The following THSD4 variants were observed in gnomAD, a reference collection of about 807,000 sequenced individuals.
The protein encoded by THSD4 is thrombospondin type-1 domain-containing protein 4.
A neutral mutation model predicts 119.0 loss-of-function variants in THSD4; 69 were observed. That is an observed-to-expected ratio of 0.58 (90% CI 0.48 to 0.71). The LOEUF is 0.71. THSD4 is among the 30% of genes least tolerant of loss of function. THSD4 has a pLI of 0.00. For synonymous variants in THSD4, 524 were observed against 540.4 expected (o/e 0.97, Z 0.42); for missense variants, 1,393 against 1,391.1 (o/e 1.00, Z -0.02).
chr15:71,760,409 A>C (rs1175832714), intron 15 of THSD4, among the ~76,000 whole-genome samples: 1 of 152,204 alleles, frequency 6.6e-6, no homozygotes, highest in Non-Finnish European at 1.5e-5. Flanking sequence ...AGAAAGGAAT[A>C]TATTCCATTT....
chr15:71,401,806 T>C (rs1489499050), intron 6 of THSD4, among the ~76,000 whole-genome samples: 2 of 152,224 alleles, frequency 1.3e-5, no homozygotes, highest in East Asian at 3.8e-4. Flanking sequence ...TGCACACATA[T>C]GCTTATTGCA....
intron 7 of THSD4, among the ~76,000 whole-genome samples, chr15:71,571,991 C>T (rs142871025): frequency 2.0e-5 from 3 of 152,298 alleles, no homozygotes; most frequent in African/African-American, 7.2e-5. Context: ...TCTGCCAATC[C>T]TAACCTCTCT....
chr15:71,378,715 T>C (rs1388754990), intron 6 of THSD4, among the ~76,000 whole-genome samples: 1 of 152,230 alleles, frequency 6.6e-6, no homozygotes, highest in Non-Finnish European at 1.5e-5. Context: ...ATTTTATGGT[T>C]GAGAGTCACT....
chr15:71,412,775 A>C (rs2046707142), intron 7 of THSD4, among the ~76,000 whole-genome samples: 1 of 152,180 alleles, frequency 6.6e-6, no homozygotes, highest in African/African-American at 2.4e-5. Flanking sequence ...GGTTTCAGAT[A>C]GGATGCAAAA....
At chr15:71,221,105 G>A (rs896395779) in intron 4 of THSD4, among the ~76,000 whole-genome samples, 3 of 152,080 alleles carry the variant, frequency 2.0e-5, no homozygotes, top group Non-Finnish European at 4.4e-5. Flanking sequence ...AAAGCATGCC[G>A]CATTGTAGCA....
chr15:71,383,283 T>C (rs1250160819), intron 6 of THSD4, among the ~76,000 whole-genome samples: 1 of 152,212 alleles, frequency 6.6e-6, no homozygotes, highest in Non-Finnish European at 1.5e-5. Flanking sequence ...GTTTGACTTA[T>C]CCCCTTTTAT....
chr15:71,215,469 C>T, intron 4 of THSD4, 70 bp downstream of exon 4: 2 of 1,396,766 alleles, frequency 1.4e-6, no homozygotes, highest in Non-Finnish European at 1.9e-6. Context: ...CCTGCCCCTG[C>T]CTCGCACGCT....
chr15:71,546,795 C>G lies in THSD4; in HGVS notation c.1153-113735C>G, dbSNP rs552957031. On this transcript the variant is annotated intron_variant, in intron 7 of 17. Transcript: ENST00000261862. Reference sequence around the variant, plus strand: ...CCTTGATAATGCAGCTTTTAACTGCCTAGATTTCTGCAACCATCAAATCAG... The same window carrying G: ...CCTTGATAATGCAGCTTTTAACTGCGTAGATTTCTGCAACCATCAAATCAG... Among the ~76,000 whole-genome samples, 3 of 152,290 alleles carry G rather than the reference C, an allele frequency of 2.0e-5. No individual in the cohort carries two copies. The South Asian group carries it at 6.2e-4, about 32-fold the overall frequency.
In THSD4 at chr15:71,778,492, A is replaced by T. The variant is rs1157080550; in HGVS notation, c.*1118A>T. ...TTCCCGACCACAGAGCCAACTTGTGAAGCACACAGCTCTGCAGCCTGGGCT... is the reference window on the plus strand; with the variant it reads ...TTCCCGACCACAGAGCCAACTTGTGTAGCACACAGCTCTGCAGCCTGGGCT... On this transcript the variant is annotated 3_prime_UTR_variant, in exon 18 of 18. Coordinates refer to ENST00000261862, the MANE Select transcript of THSD4 (RefSeq NM_024817.3). 1 of 152,512 alleles carries T rather than the reference A, an allele frequency of 6.6e-6. No homozygotes were observed. Among genetic ancestry groups the T allele is most frequent in the African/African-American group, 2.4e-5 (1 of 41,450 alleles). 9.4% of individuals were successfully genotyped at this position (152,512 alleles called of 1,614,324 possible). A position where few individuals can be genotyped will look rare whatever the true frequency, so the allele number is the denominator to read the frequency against.
At chr15:71,326,071 C>A (rs2045333020) in intron 6 of THSD4, among the ~76,000 whole-genome samples, 1 of 152,114 alleles carries the variant, frequency 6.6e-6, no homozygotes, top group African/African-American at 2.4e-5. Flanking sequence ...TGCAAAGCTG[C>A]CAGGAGCAGA....
intron 5 of THSD4, among the ~76,000 whole-genome samples, chr15:71,246,735 C>T (rs917330942): frequency 2.6e-5 from 4 of 152,032 alleles, no homozygotes; most frequent in Admixed American, 6.6e-5. Flanking sequence ...TATTTTGTTG[C>T]CTACAATGTG....
intron 17 of THSD4, among the ~76,000 whole-genome samples, chr15:71,771,690 G>A (rs1307255655): frequency 6.6e-6 from 1 of 152,166 alleles, no homozygotes; most frequent in Non-Finnish European, 1.5e-5. Context: ...GAGATGCAGT[G>A]ACTAGACTCA....
Position 71,728,535 on chromosome 15 carries a change from A to T in THSD4, c.1358-14A>T, listed in dbSNP as rs764946937. The T allele has an allele frequency of 2.3e-5, 37 of 1,612,454 alleles. No homozygotes were observed. The highest frequency in any genetic ancestry group is 2.9e-5 in the Non-Finnish European group (34 of 1,178,976). Reference sequence around the variant, plus strand: ...CTGGGCTTACCCAAAGAACTGTCTGATTTTTCTCAACAGCCCTGAGAAGTC... The same window carrying T: ...CTGGGCTTACCCAAAGAACTGTCTGTTTTTTCTCAACAGCCCTGAGAAGTC... On this transcript the variant is annotated splice_polypyrimidine_tract_variant and intron_variant, in intron 8 of 17. Coordinates refer to ENST00000261862, the MANE Select transcript of THSD4 (RefSeq NM_024817.3).
In THSD4 at chr15:71,597,576, C is replaced by T. The variant is rs745525985; in HGVS notation, c.1153-62954C>T. Among the ~76,000 whole-genome samples, 7 of 152,224 alleles carry T rather than the reference C, an allele frequency of 4.6e-5. No individual in the cohort carries two copies. The East Asian group carries it at 1.2e-3, about 25-fold the overall frequency. ...AAAGAAATAGCTTTTTACCAAAAAT[C>T]GTGTATACAAAGAAAGCACTTTTAA... On this transcript the variant is annotated intron_variant, in intron 7 of 17. Coordinates refer to ENST00000261862, the MANE Select transcript of THSD4 (RefSeq NM_024817.3).
chr15:71,143,417 T>C (rs150170860), intron 2 of THSD4, among the ~76,000 whole-genome samples: 290 of 152,204 alleles, frequency 1.9e-3, no homozygotes, highest in African/African-American at 6.8e-3. Flanking sequence ...TGTAGGACCA[T>C]GGCATTTTAA....
At chr15:71,730,901 C>T (rs2052964275) in intron 9 of THSD4, 3 of 532,360 alleles carry the variant, frequency 5.6e-6, no homozygotes, top group Non-Finnish European at 1.0e-5. Flanking sequence ...TAGTCTTCTT[C>T]TGATTTGCTC....
chr15:71,524,753 C>A (rs1232512991), intron 7 of THSD4, among the ~76,000 whole-genome samples: 1 of 140,290 alleles, frequency 7.1e-6, no homozygotes, highest in African/African-American at 2.6e-5. Flanking sequence ...CCCACCACCA[C>A]GCCCGGCTAA....
chr15:71,665,346 TG>T (rs898723463), intron 8 of THSD4, among the ~76,000 whole-genome samples: 36 of 16,096 alleles, frequency 2.2e-3, no homozygotes, highest in Non-Finnish European at 0.014. Flanking sequence ...TTAATGGGGT[TG>T]TTTTTTTTTC....
chr15:71,675,509 C>G (rs537186309), intron 8 of THSD4, among the ~76,000 whole-genome samples: 128 of 152,266 alleles, frequency 8.4e-4, no homozygotes, highest in Non-Finnish European at 1.3e-3. Context: ...AAATAAAGGT[C>G]GTGCTGGCTC....
Sources: gnomAD v4.1 joint callset for allele counts (sites outside exome capture counted in the v4.1 genomes callset) on GRCh38, gnomAD v4.1.1 for gene constraint, MANE v1.5 for transcripts, NCBI Gene and HGNC (gene_info 2026-07-23, HGNC 2026-07-21) for gene names.